Variants in CLCN7 observed in about 807,000 individuals in gnomAD.
CLCN7 encodes H(+)/Cl(-) exchange transporter 7.
Under a neutral mutation model 102.1 loss-of-function variants are expected in CLCN7, and 60 were observed. The observed-to-expected ratio is 0.59, with a 90% CI of 0.48 to 0.73. CLCN7 has a LOEUF of 0.73. Among genes scored for constraint, CLCN7 ranks in the 30% least tolerant of loss-of-function variants. CLCN7 has a pLI of 0.00. For missense variants in CLCN7, 962 were observed against 1,125.7 expected, an observed-to-expected ratio of 0.85 and a Z score of 2.08; for synonymous variants, 560 against 490.5, an observed-to-expected ratio of 1.14 and a Z score of -1.87.
rs4786337 is a variant in CLCN7, at chr16:1,454,016, A to G, written c.1154-122T>C. ...AGAGGGAAGGGGACGGCAGGGGGCT[A>G]GGGGGTCCTGGTAAGATGCTTCCTC... On this transcript the variant is annotated intron_variant, in intron 13 of 24. Coordinates refer to ENST00000382745, the MANE Select transcript of CLCN7 (RefSeq NM_001287.6). The G allele has an allele frequency of 0.69, 579,958 of 844,708 alleles. 197,330 individuals are homozygous for G. Among genetic ancestry groups the G allele is most frequent in the East Asian group, 0.86 (33,509 of 39,116 alleles). The allele number at this position is 844,708 out of a possible 1,614,324, so 52.3% of individuals were successfully genotyped here.
In CLCN7 at chr16:1,468,964, G is replaced by T. The variant is rs537602101; in HGVS notation, c.142-3626C>A. ...CCAGCGCTTTCGGAGGCCAAGGCGG[G>T]CAGATCACCCGAGGTCAGGAGTTCG... On this transcript the variant is annotated intron_variant, in intron 1 of 24. Transcript: ENST00000382745. 2.0e-4 allele frequency among the ~76,000 whole-genome samples: 30 copies of T among 151,722 alleles called. 1 individual carries two copies. In the East Asian group the frequency reaches 5.0e-3, roughly 25 times the overall value.
At chr16:1,451,553 G>T (rs1425515620) in intron 16 of CLCN7, 70 bp downstream of exon 16, 4 of 1,355,432 alleles carry the variant, frequency 3.0e-6, no homozygotes, top group African/African-American at 2.9e-5. Context: ...GCCCACAGGG[G>T]ACACTCAGCC....
intron 1 of CLCN7, among the ~76,000 whole-genome samples, chr16:1,473,477 G>C (rs372524614): frequency 2.9e-5 from 4 of 136,194 alleles, no homozygotes; most frequent in African/African-American, 1.1e-4. Context: ...GGGTTCAATT[G>C]ATTCTCCTGC....
intron 1 of CLCN7, among the ~76,000 whole-genome samples, chr16:1,473,861 G>A (rs1046547027): frequency 6.6e-6 from 1 of 152,020 alleles, no homozygotes; most frequent in Non-Finnish European, 1.5e-5. Context: ...AGGTGCGGGG[G>A]ATCACGTGAG....
intron 2 of CLCN7, 98 bp from the exon 3 acceptor site, chr16:1,461,772 C>T (rs904525227): frequency 4.9e-6 from 5 of 1,018,322 alleles, no homozygotes; most frequent in East Asian, 2.4e-5. Context: ...CATCCCGACA[C>T]CAAGGACAAG....
At position 1,448,477 on chromosome 16, in the gene CLCN7, T is replaced by A. The variant is rs1274966207; in HGVS notation, c.1891A>T (p.Met631Leu). The A allele has an allele frequency of 1.9e-6, 3 of 1,609,914 alleles. No individual in the cohort carries two copies. Among genetic ancestry groups the A allele is most frequent in the Admixed American group, 1.7e-5 (1 of 60,016 alleles). The change falls in exon 21 of 25, where the codon ATG (methionine) becomes TTG (leucine). Residue 631 changes from methionine to leucine, a missense_variant. By Grantham distance (15) the Met-to-Leu change is conservative (BLOSUM62 2). Around this residue, in one of 2 missense-constraint regions of CLCN7, gnomAD observed 799 missense variants for 988.0 expected, o/e 0.81. Transcript: ENST00000382745. ...TSHSLTAREV[M>L]STPVTCLRRR... ...CTCAGGCAGGTCACTGGTGTGCTCA[T>A]CACCTCCCTGCCGGAGGAGCCCGGC...
chr16:1,473,821 C>T (rs2039112530), intron 1 of CLCN7, among the ~76,000 whole-genome samples: 1 of 152,124 alleles, frequency 6.6e-6, no homozygotes, highest in African/African-American at 2.4e-5. Context: ...CAGTGGCTCA[C>T]GCCTGTAATC....
chr16:1,463,276 T>C (rs2038963279), intron 2 of CLCN7, among the ~76,000 whole-genome samples: 1 of 152,152 alleles, frequency 6.6e-6, no homozygotes, highest in Non-Finnish European at 1.5e-5. Flanking sequence ...GGTGAGGCAA[T>C]GGTTTCTTAG....
At chr16:1,451,479 C>T (rs2038749500) in intron 16 of CLCN7, 144 bp downstream of exon 16, 2 of 677,420 alleles carry the variant, frequency 3.0e-6, no homozygotes, top group South Asian at 1.7e-5. Context: ...GCTGGGATTA[C>T]AGGAGTGAGT....
Position 1,470,172 on chromosome 16 carries a change from TG to T in CLCN7, c.141+4661del, listed in dbSNP as rs2039057977. The stretch of plus-strand genomic sequence containing the variant: ...ATGATTAAACGGTCATTAAACAAAA[TG>T]TTTTTTAGAAACAAGGTCTTGCTAT... On this transcript the variant is annotated intron_variant, in intron 1 of 24. Coordinates refer to ENST00000382745, the MANE Select transcript of CLCN7 (RefSeq NM_001287.6). Among the ~76,000 whole-genome samples the T allele has an allele frequency of 2.0e-5, 3 of 152,228 alleles. No individual in the cohort carries two copies. In the South Asian group the frequency reaches 6.2e-4, roughly 31 times the overall value.
intron 6 of CLCN7, among the ~76,000 whole-genome samples, chr16:1,459,852 TCGGGGCCC>T (rs2038904096): frequency 8.6e-6 from 1 of 116,694 alleles, no homozygotes; most frequent in Non-Finnish European, 1.8e-5. Context: ...AGCACACACG[TCGGGGCCC>T]CAGGGAAGGG....
chr16:1,459,069 G>A (rs2038884504), intron 7 of CLCN7, 38 bp downstream of exon 7: 2 of 1,556,134 alleles, frequency 1.3e-6, no homozygotes, highest in Non-Finnish European at 1.8e-6. Flanking sequence ...CAAAGAGCGG[G>A]CGCCCACCCT....
At position 1,446,438 on chromosome 16, in the gene CLCN7, A is replaced by C. The variant is rs551689683; in HGVS notation, c.*193T>G. ...GCGCAAGGAGGCGCCAAGGGGGGAGACCACTGCCCACAACAGGGTCAGTCC... is the reference window on the plus strand; with the variant it reads ...GCGCAAGGAGGCGCCAAGGGGGGAGCCCACTGCCCACAACAGGGTCAGTCC... On this transcript the variant is annotated 3_prime_UTR_variant, in exon 25 of 25. Coordinates refer to ENST00000382745, the MANE Select transcript of CLCN7 (RefSeq NM_001287.6). The C allele has an allele frequency of 1.4e-6, 1 of 704,878 alleles. No homozygotes were observed. Among genetic ancestry groups the C allele is most frequent in the South Asian group, 1.5e-5 (1 of 67,638 alleles). The allele number at this position is 704,878 out of a possible 1,614,324, so 43.7% of individuals were successfully genotyped here.
chr16:1,458,517 G>A (rs2038875100), intron 7 of CLCN7, among the ~76,000 whole-genome samples: 1 of 152,210 alleles, frequency 6.6e-6, no homozygotes, highest in Admixed American at 6.5e-5. Context: ...TCGCCAGAGG[G>A]GACACACTGG....
Position 1,455,193 on chromosome 16 carries a change from C to A in CLCN7, c.1039G>T (p.Gly347Trp). Reference sequence around the variant, plus strand: ...GGGCTGGACAGGTCCCACATGTTCCCGTGGTAAATGCTCAGAACAAAATTC... The same window carrying A: ...GGGCTGGACAGGTCCCACATGTTCCAGTGGTAAATGCTCAGAACAAAATTC... ...TLNFVLSIYH[G>W]NMWDLSSPGL... The change falls in exon 12 of 25, where the codon GGG becomes TGG. Residue 347 changes from glycine to tryptophan, a missense_variant. Around this residue, in one of 2 missense-constraint regions of CLCN7, gnomAD observed 799 missense variants for 988.0 expected, o/e 0.81. Coordinates refer to ENST00000382745, the MANE Select transcript of CLCN7 (RefSeq NM_001287.6). The A allele has an allele frequency of 6.2e-7, 1 of 1,613,918 alleles. No individual in the cohort carries two copies. Among genetic ancestry groups the A allele is most frequent in the Non-Finnish European group, 8.5e-7 (1 of 1,179,892 alleles).
intron 1 of CLCN7, among the ~76,000 whole-genome samples, chr16:1,470,523 G>C (rs2039064199): frequency 6.6e-6 from 1 of 152,230 alleles, no homozygotes; most frequent in African/African-American, 2.4e-5. Flanking sequence ...AGGCCACAGA[G>C]ACCAAGGAGA....
At position 1,461,371 on chromosome 16, in the gene CLCN7, C is replaced by T. The variant is rs12926202; in HGVS notation, c.351+34G>A. 0.13 allele frequency: 194,520 copies of T among 1,534,680 alleles called. 13,083 individuals carry two copies. The highest frequency in any genetic ancestry group is 0.17 in the African/African-American group (12,308 of 72,774). ...GCCCGGCCGGCACCAGGCCCCGCACCGTGGGGCCCTGCAGGGAGCGGCGTC... is the reference window on the plus strand; with the variant it reads ...GCCCGGCCGGCACCAGGCCCCGCACTGTGGGGCCCTGCAGGGAGCGGCGTC... On this transcript the variant is annotated intron_variant, in intron 4 of 24. Transcript: ENST00000382745.
rs2038629979 is a variant in CLCN7, at chr16:1,445,800, C to T, written c.*831G>A. 6.3e-6 allele frequency: 1 copy of T among 159,408 alleles called. No individual in the cohort carries two copies. Among genetic ancestry groups the T allele is most frequent in the South Asian group, 1.9e-4 (1 of 5,242 alleles). The allele number at this position is 159,408 out of a possible 1,614,324, so 9.9% of individuals were successfully genotyped here. A position where few individuals can be genotyped will look rare whatever the true frequency, so the allele number is the denominator to read the frequency against. On this transcript the variant is annotated 3_prime_UTR_variant, in exon 25 of 25. Coordinates refer to ENST00000382745, the MANE Select transcript of CLCN7 (RefSeq NM_001287.6). ...CCCCATGTGCTAGGGGAAGACCTGC[C>T]TTCCCAGCCAGTGTCCACAGGGCAG...
intron 15 of CLCN7, chr16:1,452,420 GT>G (rs909858076): frequency 1.1e-5 from 4 of 378,270 alleles, no homozygotes; most frequent in African/African-American, 6.1e-5. Context: ...CACAGGTCCA[GT>G]TGTGGACGGA....
Sources: gnomAD v4.1 joint callset for allele counts (sites outside exome capture counted in the v4.1 genomes callset) on GRCh38, gnomAD v4.1.1 for gene constraint, gnomAD v4.1.1 regional missense constraint, MANE v1.5 for transcripts, NCBI Gene and HGNC (gene_info 2026-07-23, HGNC 2026-07-21) for gene names.